The following WDR5 variants were observed in gnomAD, a reference collection of about 807,000 sequenced individuals.
WDR5 encodes WD repeat domain 5.
For missense variants in WDR5, 187 were observed against 416.9 expected (o/e 0.45, Z 4.80); for synonymous variants, 144 against 161.6 (o/e 0.89, Z 0.83).
chr9:134,149,020 GGGA>G (rs1471269641), intron 8 of WDR5, among the ~76,000 whole-genome samples: 10 of 152,138 alleles, frequency 6.6e-5, no homozygotes, highest in African/African-American at 2.4e-5. Flanking sequence ...TTGGTCACTG[GGGA>G]GGAGGAGGAC....
At chr9:134,156,445 C>A in intron 12 of WDR5, 61 bp from the exon 13 acceptor site, 2 of 1,520,148 alleles carry the variant, frequency 1.3e-6, no homozygotes, top group South Asian at 1.1e-5. Flanking sequence ...CTCTCCCTTT[C>A]ACATGCATGA....
intron 1 of WDR5, among the ~76,000 whole-genome samples, chr9:134,137,538 GC>G (rs1287845332): frequency 6.6e-6 from 1 of 151,986 alleles, no homozygotes; most frequent in Admixed American, 6.6e-5. Flanking sequence ...CAAAAGATTG[GC>G]CGGGCGTAGT....
chr9:134,147,053 C>T (rs945542627), intron 7 of WDR5, among the ~76,000 whole-genome samples: 1 of 149,342 alleles, frequency 6.7e-6, no homozygotes, highest in Non-Finnish European at 1.5e-5. Flanking sequence ...ATTTCAGAGA[C>T]CTGGCACAAA....
At chr9:134,156,947 C>T (rs758512819) in intron 13 of WDR5, among the ~76,000 whole-genome samples, 42 of 152,330 alleles carry the variant, frequency 2.8e-4, no homozygotes, top group Admixed American at 1.5e-3. Context: ...GCTGCCCCAT[C>T]CTGGAGGCTC....
At chr9:134,148,070 C>T (rs761966208) in intron 7 of WDR5, among the ~76,000 whole-genome samples, 3 of 151,426 alleles carry the variant, frequency 2.0e-5, no homozygotes, top group Non-Finnish European at 2.9e-5. Flanking sequence ...GGCTGAGGCA[C>T]GAGAATTGCT....
intron 8 of WDR5, among the ~76,000 whole-genome samples, chr9:134,151,340 G>A (rs1832475305): frequency 2.0e-5 from 3 of 152,176 alleles, no homozygotes; most frequent in African/African-American, 7.2e-5. Flanking sequence ...CGTGCATGGC[G>A]GCCATGGGGT....
intron 7 of WDR5, among the ~76,000 whole-genome samples, chr9:134,148,015 T>G (rs1188920107): frequency 1.3e-5 from 2 of 151,846 alleles, no homozygotes; most frequent in Non-Finnish European, 2.9e-5. Context: ...ATATAAAAAT[T>G]AGCTGGGCGT....
intron 9 of WDR5, among the ~76,000 whole-genome samples, chr9:134,152,921 G>A (rs564918065): frequency 7.9e-5 from 12 of 152,290 alleles, no homozygotes; most frequent in African/African-American, 2.9e-4. Flanking sequence ...GCCTCCGTGT[G>A]TCCAAATGTC....
At chr9:134,136,896 G>A (rs561527431) in intron 1 of WDR5, among the ~76,000 whole-genome samples, 17 of 152,286 alleles carry the variant, frequency 1.1e-4, no homozygotes, top group Admixed American at 1.3e-4. Context: ...CTCCTCAAAT[G>A]CTAGTTTAAT....
intron 7 of WDR5, 63 bp from the exon 8 acceptor site, chr9:134,148,225 A>G: frequency 1.3e-6 from 1 of 796,356 alleles, no homozygotes; most frequent in Non-Finnish European, 2.1e-6. Flanking sequence ...ATCAGGTAAG[A>G]AGCAGTTGTG....
rs1832830161 is a variant in WDR5, at chr9:134,158,030, G to A, written c.*37G>A. 6.2e-7 allele frequency: 1 copy of A among 1,600,066 alleles called. No individual in the cohort carries two copies. Among genetic ancestry groups the A allele is most frequent in the African/African-American group, 1.3e-5 (1 of 74,786 alleles). ...CCTGCCCGCGAGAGACTGTCGGGAA[G>A]TTGACCCGGATTGGCAAGAAACAGG... is the stretch of plus-strand genomic sequence containing the variant. On this transcript the variant is annotated 3_prime_UTR_variant, in exon 14 of 14. Coordinates refer to ENST00000358625, the MANE Select transcript of WDR5 (RefSeq NM_017588.3).
At chr9:134,153,257 C>T (rs908041743) in intron 9 of WDR5, among the ~76,000 whole-genome samples, 2 of 152,342 alleles carry the variant, frequency 1.3e-5, no homozygotes, top group Admixed American at 6.5e-5. Context: ...GGCTCATTCA[C>T]TAGCCCAAAG....
intron 9 of WDR5, among the ~76,000 whole-genome samples, chr9:134,153,265 A>C (rs1214838529): frequency 2.6e-5 from 4 of 152,164 alleles, no homozygotes; most frequent in Non-Finnish European, 5.9e-5. Flanking sequence ...CACTAGCCCA[A>C]AGCTCCACAG....
chr9:134,146,295 C>T (rs1211751734), intron 7 of WDR5, among the ~76,000 whole-genome samples: 4 of 150,314 alleles, frequency 2.7e-5, no homozygotes, highest in Admixed American at 1.3e-4. Flanking sequence ...AATACAGTGA[C>T]GCGATCTTGG....
At position 134,155,776 on chromosome 9, in the gene WDR5, C is replaced by T; in HGVS notation, c.816+9C>T. 1.2e-6 allele frequency: 2 copies of T among 1,613,596 alleles called. No homozygotes were observed. The highest frequency in any genetic ancestry group is 1.7e-6 in the Non-Finnish European group (2 of 1,179,602). ...CTGTTACTGGTGGGAAGGTGAGTCTCATAACCTTGAAGCGTCTCACCTGTT... is the reference window on the plus strand; with the variant it reads ...CTGTTACTGGTGGGAAGGTGAGTCTTATAACCTTGAAGCGTCTCACCTGTT... On this transcript the variant is annotated intron_variant, in intron 12 of 13. Transcript: ENST00000358625.
At chr9:134,142,836 TC>T in intron 7 of WDR5, 117 bp downstream of exon 7, 1 of 1,027,590 alleles carries the variant, frequency 9.7e-7, no homozygotes, top group Non-Finnish European at 1.5e-6. Context: ...CCTAGCTGAT[TC>T]CTGCTGTCAT....
At chr9:134,155,244 G>A (rs1349334297) in intron 10 of WDR5, 96 bp from the exon 11 acceptor site, 16 of 1,400,788 alleles carry the variant, frequency 1.1e-5, no homozygotes, top group Middle Eastern at 1.9e-4. Context: ...TGCACCTGGC[G>A]CTGATGGTGG....
intron 4 of WDR5, 126 bp downstream of exon 4, chr9:134,141,709 A>G: frequency 9.3e-7 from 1 of 1,079,222 alleles, no homozygotes; most frequent in Non-Finnish European, 1.3e-6. Context: ...TAATTTTTTT[A>G]TAGTTATTTG....
At chr9:134,136,421 A>C (rs1347432203) in intron 1 of WDR5, among the ~76,000 whole-genome samples, 1 of 145,304 alleles carries the variant, frequency 6.9e-6, no homozygotes. Flanking sequence ...GTCCGCCCCC[A>C]CTCGCGCCCC....
Sources: gnomAD v4.1 joint callset for allele counts (sites outside exome capture counted in the v4.1 genomes callset) on GRCh38, gnomAD v4.1.1 for gene constraint, MANE v1.5 for transcripts, NCBI Gene and HGNC (gene_info 2026-07-23, HGNC 2026-07-21) for gene names.